The following SCUBE1 variants were observed in gnomAD, a reference collection of about 807,000 sequenced individuals.
SCUBE1 encodes signal peptide, CUB and EGF-like domain-containing protein 1.
In SCUBE1, 59 loss-of-function variants were observed where a neutral mutation model predicts 124.4. The ratio of observed to expected loss-of-function variants is 0.47; its 90% CI spans 0.38 to 0.59. The LOEUF is 0.59. Ranked by LOEUF, SCUBE1 falls within the 20% of genes least tolerant of loss-of-function variation. The pLI is 0.00. For synonymous variants in SCUBE1, 545 were observed against 550.9 expected (o/e 0.99, Z 0.15); for missense variants, 1,150 against 1,371.2 (o/e 0.84, Z 2.55).
chr22:43,250,463 C>T (rs1317060353), intron 6 of SCUBE1, among the ~76,000 whole-genome samples: 1 of 152,242 alleles, frequency 6.6e-6, no homozygotes. Flanking sequence ...GGCAGTGTTC[C>T]TCTTTGCTCT....
intron 13 of SCUBE1, 86 bp from the exon 14 acceptor site, chr22:43,220,673 G>T: frequency 6.6e-7 from 1 of 1,511,960 alleles, no homozygotes; most frequent in Non-Finnish European, 9.0e-7. Flanking sequence ...AGTGCCATTG[G>T]CAAGGACTTC....
At chr22:43,332,476 G>C (rs1181063828) in intron 2 of SCUBE1, among the ~76,000 whole-genome samples, 1 of 152,056 alleles carries the variant, frequency 6.6e-6, no homozygotes, top group Non-Finnish European at 1.5e-5. Context: ...CAGCTCCCTC[G>C]ATCCCTCCAT....
chr22:43,332,246 C>T (rs928305258), intron 2 of SCUBE1, among the ~76,000 whole-genome samples: 1 of 152,152 alleles, frequency 6.6e-6, no homozygotes, highest in African/African-American at 2.4e-5. Context: ...CGAGATTGAG[C>T]CACTGAACTC....
At chr22:43,209,071 C>G (rs1921425046) in intron 19 of SCUBE1, among the ~76,000 whole-genome samples, 1 of 152,216 alleles carries the variant, frequency 6.6e-6, no homozygotes, top group African/African-American at 2.4e-5. Context: ...CCTTGCCCAT[C>G]CGCACACTGC....
intron 4 of SCUBE1, among the ~76,000 whole-genome samples, chr22:43,284,778 C>T (rs570250283): frequency 2.6e-5 from 4 of 152,268 alleles, no homozygotes; most frequent in East Asian, 3.9e-4. Context: ...TCGTCGTCGT[C>T]GTCATCATCA....
chr22:43,307,634 C>T (rs1354969988), intron 3 of SCUBE1, among the ~76,000 whole-genome samples: 1 of 152,124 alleles, frequency 6.6e-6, no homozygotes, highest in African/African-American at 2.4e-5. Context: ...CCAGAGGCTC[C>T]AGGAACTTTG....
At chr22:43,229,335 T>C in intron 8 of SCUBE1, 147 bp from the exon 9 acceptor site, 5 of 654,614 alleles carry the variant, frequency 7.6e-6, no homozygotes, top group Non-Finnish European at 1.4e-5. Flanking sequence ...CCACAGGAAA[T>C]GGGAGACTCC....
At chr22:43,264,715 G>A (rs1923998584) in intron 4 of SCUBE1, among the ~76,000 whole-genome samples, 1 of 152,212 alleles carries the variant, frequency 6.6e-6, no homozygotes, top group South Asian at 2.1e-4. Flanking sequence ...CTTCACAGCT[G>A]TACACACTCC....
At chr22:43,323,687 A>G (rs1459614176) in intron 2 of SCUBE1, among the ~76,000 whole-genome samples, 2 of 152,018 alleles carry the variant, frequency 1.3e-5, no homozygotes, top group African/African-American at 4.8e-5. Context: ...CCACCTTTCT[A>G]TCCAAACACA....
At chr22:43,238,488 A>G (rs956589010) in intron 7 of SCUBE1, 9 of 574,970 alleles carry the variant, frequency 1.6e-5, no homozygotes, top group Admixed American at 3.1e-5. Context: ...GCGCCTTGGG[A>G]AGCCACACTA....
intron 4 of SCUBE1, among the ~76,000 whole-genome samples, chr22:43,286,452 CCCTGCAGGACAGCCT>C (rs1274846757): frequency 1.3e-5 from 2 of 152,254 alleles, no homozygotes; most frequent in Non-Finnish European, 2.9e-5. Context: ...CAGAGCAGAG[CCCTGCAGGACAGCCT>C]CCTGCATGGA....
chr22:43,282,315 G>C (rs553100210), intron 4 of SCUBE1: 1 of 152,502 alleles, frequency 6.6e-6, no homozygotes, highest in Admixed American at 6.5e-5. Flanking sequence ...GGAATTGCTT[G>C]CAGTCAGATG....
intron 4 of SCUBE1, among the ~76,000 whole-genome samples, chr22:43,271,455 A>C (rs1168937291): frequency 1.3e-5 from 2 of 152,172 alleles, no homozygotes; most frequent in Non-Finnish European, 2.9e-5. Context: ...ACTGTGTCGG[A>C]ACAGGGGCCA....
chr22:43,243,300 G>A (rs1050105010), intron 6 of SCUBE1, among the ~76,000 whole-genome samples: 4 of 152,216 alleles, frequency 2.6e-5, no homozygotes, highest in East Asian at 1.9e-4. Flanking sequence ...TGGGGAGAGC[G>A]CTCACCCTGT....
In SCUBE1 at chr22:43,231,761, G is replaced by T; in HGVS notation, c.959C>A (p.Thr320Asn). ...KGYKLLTDER[T>N]CQDIDECSFE... is the part of the protein sequence containing the mutation. ...GCATGGCAGGGGCTCACCCTGGCAGGTGCGCTCGTCGGTGAGCAGCTTGTA... is the reference window on the plus strand; with the variant it reads ...GCATGGCAGGGGCTCACCCTGGCAGTTGCGCTCGTCGGTGAGCAGCTTGTA... The change falls in exon 8 of 22, where the codon ACC becomes AAC. Residue 320 changes from threonine (T) to asparagine (N), a missense_variant. Thr to Asn is a moderately conservative substitution (Grantham distance 65, BLOSUM62 0). Transcript: ENST00000360835. 5.7e-6 allele frequency: 9 copies of T among 1,587,334 alleles called. No homozygotes were observed. The highest frequency in any genetic ancestry group is 7.7e-6 in the Non-Finnish European group (9 of 1,168,056).
chr22:43,226,160 C>A (rs1214484559), intron 10 of SCUBE1, among the ~76,000 whole-genome samples: 1 of 152,138 alleles, frequency 6.6e-6, no homozygotes, highest in African/African-American at 2.4e-5. Flanking sequence ...GTAAATGGGA[C>A]AGGCCAAGAA....
At chr22:43,220,870 C>T (rs1266913575) in intron 13 of SCUBE1, among the ~76,000 whole-genome samples, 1 of 152,186 alleles carries the variant, frequency 6.6e-6, no homozygotes, top group African/African-American at 2.4e-5. Context: ...AGGGTTTGGC[C>T]AGTGCAGACT....
intron 21 of SCUBE1, among the ~76,000 whole-genome samples, chr22:43,204,728 T>C (rs1921149525): frequency 1.3e-5 from 2 of 151,948 alleles, no homozygotes; most frequent in Admixed American, 6.6e-5. Context: ...GCAGATCACC[T>C]GAGGTCAAGA....
At chr22:43,292,295 C>T (rs536233367) in intron 3 of SCUBE1, among the ~76,000 whole-genome samples, 3 of 152,142 alleles carry the variant, frequency 2.0e-5, no homozygotes, top group Non-Finnish European at 4.4e-5. Context: ...ACCTCAGGGC[C>T]GACACTCATT....
Sources: allele counts gnomAD v4.1 joint callset (sites outside exome capture counted in the v4.1 genomes callset), GRCh38; gene constraint gnomAD v4.1.1; transcripts MANE v1.5; gene names NCBI Gene and HGNC (gene_info 2026-07-23, HGNC 2026-07-21).